ABCB1: variants seen among roughly 807,000 people sequenced by gnomAD.
The protein encoded by ABCB1 is ATP-dependent translocase ABCB1.
In ABCB1, 69 loss-of-function variants were observed where a neutral mutation model predicts 142.0. The ratio of observed to expected loss-of-function variants is 0.49; its 90% CI spans 0.40 to 0.59. The LOEUF (loss-of-function observed/expected upper bound fraction) is 0.59, where lower values mean the gene tolerates loss of function less well. Ranked by LOEUF, ABCB1 falls within the 20% of genes least tolerant of loss-of-function variation. The pLI, the probability that ABCB1 is intolerant of heterozygous loss-of-function variation, is 0.00. For missense variants in ABCB1, 1,326 were observed against 1,554.7 expected, an observed-to-expected ratio of 0.85 and a Z score of 2.47; for synonymous variants, 532 against 539.2, an observed-to-expected ratio of 0.99 and a Z score of 0.18.
In ABCB1 at chr7:87,595,823, C is replaced by T. The variant is rs767078301; in HGVS notation, c.69-9G>A. ...CCTTCTTATCTTTTTCACTGCAAAA[C>T]AGCAATGGAATTACATAAAACTTTA... On this transcript the variant is annotated splice_polypyrimidine_tract_variant and intron_variant, in intron 2 of 27. Transcript: ENST00000622132. 2.5e-6 allele frequency: 4 copies of T among 1,605,912 alleles called. No individual in the cohort carries two copies. In the African/African-American group the frequency reaches 5.4e-5, roughly 22 times the overall value.
intron 17 of ABCB1, 73 bp downstream of exon 17, chr7:87,544,056 A>T: frequency 6.3e-7 from 1 of 1,575,410 alleles, no homozygotes; most frequent in Non-Finnish European, 8.7e-7. Context: ...CCCAGTTCAG[A>T]CACAAGCACT....
At chr7:87,527,332 A>G (rs1416759349) in intron 21 of ABCB1, among the ~76,000 whole-genome samples, 2 of 152,208 alleles carry the variant, frequency 1.3e-5, no homozygotes, top group African/African-American at 2.4e-5. Context: ...TCAATATGAG[A>G]TAAATGTATT....
intron 1 of ABCB1, among the ~76,000 whole-genome samples, chr7:87,704,670 A>G (rs1829430889): frequency 6.6e-6 from 1 of 152,214 alleles, no homozygotes; most frequent in Non-Finnish European, 1.5e-5. Flanking sequence ...CAGAACAATC[A>G]TGTTCCAAAT....
chr7:87,667,056 A>G (rs1244388190), intron 1 of ABCB1, among the ~76,000 whole-genome samples: 2 of 152,210 alleles, frequency 1.3e-5, no homozygotes, highest in East Asian at 3.8e-4. Flanking sequence ...TAGGAATAGC[A>G]TTGAATCTAT....
intron 1 of ABCB1, among the ~76,000 whole-genome samples, chr7:87,665,503 A>G (rs1227329428): frequency 2.0e-5 from 3 of 152,148 alleles, no homozygotes; most frequent in Non-Finnish European, 4.4e-5. Flanking sequence ...TTAAATGTCC[A>G]TACTACCCAA....
intron 4 of ABCB1, among the ~76,000 whole-genome samples, chr7:87,576,135 T>A (rs1329847078): frequency 6.6e-6 from 1 of 152,086 alleles, no homozygotes; most frequent in Non-Finnish European, 1.5e-5. Context: ...CTAGAATGGG[T>A]TAGGTACTAT....
In ABCB1 at chr7:87,536,515, T is replaced by A; in HGVS notation, c.2424A>T (p.Lys808Asn). ...TGGTAGTCAATGCTCCAGTGGTGTT[T>A]TTAGGGTCATCAAACCAACTCACAT... ...RQDVSWFDDP[K>N]NTTGALTTRL... The change falls in exon 20 of 28, where the codon AAA (lysine) becomes AAT (asparagine). Residue 808 changes from lysine (K) to asparagine (N), a missense_variant. Physicochemically the swap from Lys to Asn is moderately conservative, Grantham distance 94 (BLOSUM62 0). Coordinates refer to ENST00000622132, the MANE Select transcript of ABCB1 (RefSeq NM_001348946.2). 7 of 1,613,884 alleles carry A rather than the reference T, an allele frequency of 4.3e-6. No individual in the cohort carries two copies. The highest frequency in any genetic ancestry group is 5.9e-6 in the Non-Finnish European group (7 of 1,179,872).
At chr7:87,655,495 C>T (rs1824005083) in intron 1 of ABCB1, among the ~76,000 whole-genome samples, 1 of 152,062 alleles carries the variant, frequency 6.6e-6, no homozygotes, top group African/African-American at 2.4e-5. Context: ...GCATGACTTC[C>T]TTATACATGG....
At chr7:87,680,054 A>G (rs781184183) in intron 1 of ABCB1, among the ~76,000 whole-genome samples, 6 of 150,404 alleles carry the variant, frequency 4.0e-5, no homozygotes, top group Non-Finnish European at 7.4e-5. Context: ...AGGCCCCAGT[A>G]TATGACGTTC....
intron 1 of ABCB1, among the ~76,000 whole-genome samples, chr7:87,631,640 G>A (rs1323295051): frequency 2.0e-5 from 3 of 152,138 alleles, no homozygotes; most frequent in Non-Finnish European, 4.4e-5. Context: ...TGATCCGCCC[G>A]CCTCGGCCTC....
At chr7:87,711,989 G>T (rs1287306064) in intron 1 of ABCB1, among the ~76,000 whole-genome samples, 1 of 152,146 alleles carries the variant, frequency 6.6e-6, no homozygotes, top group Non-Finnish European at 1.5e-5. Flanking sequence ...TACAGGGTTT[G>T]ACATTCTGGA....
At chr7:87,634,627 C>CAA (rs1158146732) in intron 1 of ABCB1, among the ~76,000 whole-genome samples, 1 of 118,820 alleles carries the variant, frequency 8.4e-6, no homozygotes, top group Non-Finnish European at 1.8e-5. Context: ...ACTCTTGTCT[C>CAA]AAAAAAAAAA....
intron 1 of ABCB1, among the ~76,000 whole-genome samples, chr7:87,626,019 TATA>T (rs1820423381): frequency 7.3e-6 from 1 of 137,504 alleles, no homozygotes; most frequent in Admixed American, 7.2e-5. Flanking sequence ...CATATATATA[TATA>T]TAGAGAGAGA....
At chr7:87,561,815 G>C (rs552479140) in intron 7 of ABCB1, among the ~76,000 whole-genome samples, 9 of 152,126 alleles carry the variant, frequency 5.9e-5, no homozygotes, top group African/African-American at 1.7e-4. Flanking sequence ...GCAAGACCCC[G>C]CCTCTACAAA....
At chr7:87,573,068 A>G (rs1031691916) in intron 4 of ABCB1, among the ~76,000 whole-genome samples, 8 of 152,226 alleles carry the variant, frequency 5.3e-5, no homozygotes, top group African/African-American at 1.7e-4. Context: ...GAGACTGGGT[A>G]ATTTATAAAG....
intron 7 of ABCB1, among the ~76,000 whole-genome samples, chr7:87,562,414 C>A (rs1487368602): frequency 2.0e-5 from 3 of 152,040 alleles, no homozygotes; most frequent in Non-Finnish European, 2.9e-5. Flanking sequence ...GATAGGGTGG[C>A]CAGCGCCATC....
At chr7:87,595,445 G>A (rs934200451) in intron 3 of ABCB1, among the ~76,000 whole-genome samples, 7 of 152,202 alleles carry the variant, frequency 4.6e-5, no homozygotes, top group Non-Finnish European at 1.0e-4. Context: ...AAATTTCAGA[G>A]CCATTAAAGA....
At chr7:87,507,787 T>G (rs947584768) in intron 26 of ABCB1, among the ~76,000 whole-genome samples, 3 of 152,172 alleles carry the variant, frequency 2.0e-5, no homozygotes, top group Non-Finnish European at 4.4e-5. Context: ...TGAGGTAGAT[T>G]ACCTAGGTTG....
chr7:87,626,348 T>TATATATCTGTC (rs1820532101), intron 1 of ABCB1, among the ~76,000 whole-genome samples: 2 of 31,526 alleles, frequency 6.3e-5, no homozygotes, highest in Non-Finnish European at 9.8e-5. Flanking sequence ...ATATGTGTCA[T>TATATATCTGTC]ATATATGTGT....
Sources: gnomAD v4.1 joint callset for allele counts (sites outside exome capture counted in the v4.1 genomes callset) on GRCh38, gnomAD v4.1.1 for gene constraint, MANE v1.5 for transcripts, NCBI Gene and HGNC (gene_info 2026-07-23, HGNC 2026-07-21) for gene names.